Variants in SAMMSON observed in about 807,000 individuals in gnomAD.
The protein encoded by SAMMSON is long intergenic non-protein coding RNA 1212.
At chr3:70,417,919 G>T (rs1163149980) in intron 2 of SAMMSON, among the ~76,000 whole-genome samples, 1 of 152,076 alleles carries the variant, frequency 6.6e-6, no homozygotes, top group Non-Finnish European at 1.5e-5. Context: ...ATCCTGATGG[G>T]GTAGGGTCAA....
chr3:70,080,624 A>C (rs902709), intron 4 of SAMMSON, among the ~76,000 whole-genome samples: 16,732 of 150,164 alleles, frequency 0.11, 1,401 homozygotes, highest in African/African-American at 0.22. Context: ...TGTCTATAAA[A>C]CTCTTACTGG....
chr3:70,164,822 A>G (rs2067630435), intron 4 of SAMMSON, among the ~76,000 whole-genome samples: 1 of 152,012 alleles, frequency 6.6e-6, no homozygotes, highest in Non-Finnish European at 1.5e-5. Flanking sequence ...GTACATTTTA[A>G]TGTTATTGTT....
At chr3:70,028,085 T>TTTCCTTCC (rs113880254) in intron 3 of SAMMSON, among the ~76,000 whole-genome samples, 7,649 of 143,216 alleles carry the variant, frequency 0.053, 324 homozygotes, top group South Asian at 0.11. Context: ...GCCTTCCTTC[T>TTTCCTTCC]TTCCTTCCTT....
chr3:70,152,970 A>T (rs1025837753), intron 4 of SAMMSON, among the ~76,000 whole-genome samples: 3 of 152,046 alleles, frequency 2.0e-5, no homozygotes, highest in African/African-American at 7.2e-5. Context: ...CACAGTCACA[A>T]CTGAATTTCA....
At chr3:70,290,501 G>T (rs1000217021) in intron 6 of SAMMSON, among the ~76,000 whole-genome samples, 3 of 152,206 alleles carry the variant, frequency 2.0e-5, no homozygotes, top group East Asian at 1.9e-4. Context: ...CAGAGGTTAT[G>T]GCTGTCTTTT....
intron 2 of SAMMSON, among the ~76,000 whole-genome samples, chr3:70,405,535 T>C (rs1462887755): frequency 6.6e-6 from 1 of 152,066 alleles, no homozygotes; most frequent in Admixed American, 6.6e-5. Flanking sequence ...CTTCTAGAGA[T>C]GAAAATCTAA....
intron 4 of SAMMSON, among the ~76,000 whole-genome samples, chr3:70,100,143 T>C (rs1290589508): frequency 6.6e-6 from 1 of 152,068 alleles, no homozygotes; most frequent in Non-Finnish European, 1.5e-5. Flanking sequence ...GTGCATATTT[T>C]CATACTCTTT....
chr3:70,305,379 TAA>T (rs961187441), intron 7 of SAMMSON, among the ~76,000 whole-genome samples: 4 of 152,188 alleles, frequency 2.6e-5, no homozygotes, highest in African/African-American at 4.8e-5. Context: ...GTTTACATAG[TAA>T]AAAGAGTCTC....
intron 6 of SAMMSON, among the ~76,000 whole-genome samples, chr3:70,262,687 G>C (rs1701877996): frequency 1.3e-5 from 2 of 152,174 alleles, no homozygotes; most frequent in Non-Finnish European, 2.9e-5. Context: ...GTTGGCGCAT[G>C]CACCATGCTT....
chr3:70,290,473 C>A (rs567805326), intron 6 of SAMMSON, among the ~76,000 whole-genome samples: 2 of 152,224 alleles, frequency 1.3e-5, no homozygotes, highest in South Asian at 2.1e-4. Flanking sequence ...AGCTGTCAGA[C>A]AGGGACATTT....
intron 6 of SAMMSON, among the ~76,000 whole-genome samples, chr3:70,267,579 T>TC (rs1491522896): frequency 3.1e-3 from 85 of 27,424 alleles, no homozygotes; most frequent in South Asian, 0.013. Flanking sequence ...ATTTTTTGTA[T>TC]TTTTTTTTTT....
chr3:70,099,050 T>C (rs1010528688), intron 4 of SAMMSON, among the ~76,000 whole-genome samples: 4 of 152,226 alleles, frequency 2.6e-5, no homozygotes, highest in African/African-American at 9.6e-5. Context: ...TGTAAGGCTC[T>C]AGTTCATTTT....
chr3:70,021,642 C>G (rs1331105995), intron 3 of SAMMSON, among the ~76,000 whole-genome samples: 2 of 152,088 alleles, frequency 1.3e-5, no homozygotes, highest in South Asian at 4.1e-4. Flanking sequence ...AGTGGAACGG[C>G]TCAAAGATTT....
intron 4 of SAMMSON, among the ~76,000 whole-genome samples, chr3:70,224,079 C>T (rs1020744128): frequency 2.6e-5 from 4 of 152,074 alleles, no homozygotes; most frequent in African/African-American, 9.7e-5. Flanking sequence ...GTAACAAACA[C>T]CAGGTTAGTG....
chr3:70,021,888 T>G (rs958942565), intron 3 of SAMMSON, among the ~76,000 whole-genome samples: 3 of 152,264 alleles, frequency 2.0e-5, no homozygotes, highest in African/African-American at 7.2e-5. Flanking sequence ...GGGCCATTTC[T>G]TTTTTAATAA....
intron 4 of SAMMSON, among the ~76,000 whole-genome samples, chr3:70,243,064 A>T (rs996330763): frequency 6.6e-5 from 10 of 152,146 alleles, no homozygotes; most frequent in African/African-American, 2.4e-4. Flanking sequence ...TAGGAGTTCT[A>T]ATTGTAAGGT....
At chr3:70,295,469 C>T (rs1487653862) in intron 7 of SAMMSON, among the ~76,000 whole-genome samples, 7 of 151,960 alleles carry the variant, frequency 4.6e-5, no homozygotes, top group Admixed American at 1.3e-4. Context: ...TTTGGGAGGC[C>T]GAGTGAGATA....
intron 2 of SAMMSON, among the ~76,000 whole-genome samples, chr3:70,398,448 G>A (rs1275014554): frequency 1.3e-5 from 2 of 152,092 alleles, no homozygotes; most frequent in East Asian, 3.9e-4. Context: ...AATTTCTAAA[G>A]CACTGTATTC....
intron 4 of SAMMSON, among the ~76,000 whole-genome samples, chr3:70,198,435 T>A (rs534250104): frequency 1.3e-5 from 2 of 152,194 alleles, no homozygotes; most frequent in East Asian, 3.8e-4. Flanking sequence ...ATTATTCATA[T>A]AATAGTCTTT....
Sources: gnomAD v4.1 joint callset for allele counts (sites outside exome capture counted in the v4.1 genomes callset) on GRCh38, gnomAD v4.1.1 for gene constraint, MANE v1.5 for transcripts, NCBI Gene and HGNC (gene_info 2026-07-23, HGNC 2026-07-21) for gene names.